The following MPRIP variants were observed in gnomAD, a reference collection of about 807,000 sequenced individuals.
The protein encoded by MPRIP is myosin phosphatase Rho-interacting protein.
A neutral mutation model predicts 234.9 loss-of-function variants in MPRIP; 59 were observed. The ratio of observed to expected loss-of-function variants is 0.25; its 90% CI spans 0.20 to 0.31. The LOEUF (loss-of-function observed/expected upper bound fraction) is 0.31. Among genes scored for constraint, MPRIP ranks in the 10% least tolerant of loss-of-function variants. The pLI is 1.00. For synonymous variants in MPRIP, 1,144 were observed against 1,263.9 expected, an observed-to-expected ratio of 0.91 and a Z score of 2.01; for missense variants, 2,436 against 3,071.0, an observed-to-expected ratio of 0.79 and a Z score of 4.89.
chr17:17,075,538 G>T (rs112396450), intron 1 of MPRIP, among the ~76,000 whole-genome samples, 172 bp from the exon 2 acceptor site: 3 of 152,020 alleles, frequency 2.0e-5, no homozygotes, highest in South Asian at 2.1e-4. Flanking sequence ...CAGAATCCCC[G>T]CCAGCCTCTG....
intron 1 of MPRIP, among the ~76,000 whole-genome samples, chr17:17,068,246 G>C (rs1342230868): frequency 6.6e-6 from 1 of 151,816 alleles, no homozygotes; most frequent in South Asian, 2.1e-4. Flanking sequence ...TGCCTCCCAG[G>C]TTCAAGCGAT....
Position 17,164,930 on chromosome 17 carries a change from G to A in MPRIP, c.3339G>A (p.Arg1113=). The A allele has an allele frequency of 7.7e-7, 1 of 1,303,926 alleles. No homozygotes were observed. The highest frequency in any genetic ancestry group is 1.2e-5 in the South Asian group (1 of 81,036). The allele number at this position is 1,303,926 out of a possible 1,614,324, so 80.8% of individuals were successfully genotyped here. The change falls in exon 16 of 24, where the codon CGG becomes CGA. Residue 1113 remains arginine, a synonymous_variant. Transcript: ENST00000651222. ...ACGAGCGGGACCTCCTCAGACAGCG[G>A]TTCCAGGAGCTGACAGAGCGCGTGG... The part of the protein sequence containing the change: ...LCDERDLLRQ[R]FQELTERVAT...
intron 15 of MPRIP, among the ~76,000 whole-genome samples, chr17:17,162,644 C>T (rs2045898322): frequency 6.6e-6 from 1 of 152,204 alleles, no homozygotes; most frequent in African/African-American, 2.4e-5. Flanking sequence ...CTTTTTAATT[C>T]TTGATTGGGC....
At position 17,177,141 on chromosome 17, in the gene MPRIP, G is replaced by A. The variant is rs1024068915; in HGVS notation, c.6958-109G>A. The A allele has an allele frequency of 3.8e-5, 43 of 1,130,954 alleles. No individual in the cohort carries two copies. In the African/African-American group the frequency reaches 4.0e-4, roughly 11 times the overall value. The allele number at this position is 1,130,954 out of a possible 1,614,324, so 70.1% of individuals were successfully genotyped here. ...CAGAGGTGAACAAGCCTCCTCTTCCGCCCACAGCAAGCCTCCCTACCGTGT... is the reference window on the plus strand; with the variant it reads ...CAGAGGTGAACAAGCCTCCTCTTCCACCCACAGCAAGCCTCCCTACCGTGT... On this transcript the variant is annotated intron_variant, in intron 21 of 23. Transcript: ENST00000651222.
chr17:17,188,432 G>C lies in MPRIP; in HGVS notation c.*3538G>C, dbSNP rs12602592. 0.15 allele frequency: 23,270 copies of C among 152,308 alleles called. 2,595 individuals are homozygous for C. Among genetic ancestry groups the C allele is most frequent in the East Asian group, 0.3 (1,581 of 5,184 alleles). 9.4% of individuals were successfully genotyped at this position (152,308 alleles called of 1,614,324 possible). On this transcript the variant is annotated 3_prime_UTR_variant, in exon 24 of 24. Coordinates refer to ENST00000651222, the MANE Select transcript of MPRIP (RefSeq NM_001364716.4). Reference sequence around the variant, plus strand: ...CAAGGCCCCACAGCCTGCTTAGTGAGTTGGAAGGCCCAGCAAGAACCTGTT... The same window carrying C: ...CAAGGCCCCACAGCCTGCTTAGTGACTTGGAAGGCCCAGCAAGAACCTGTT...
intron 16 of MPRIP, chr17:17,168,128 G>A (rs2046045766): frequency 2.8e-6 from 1 of 359,424 alleles, no homozygotes; most frequent in South Asian, 2.2e-5. Context: ...AGGAGAACTA[G>A]CAGGAGGGCC....
chr17:17,158,406 G>T (rs2045779835), intron 13 of MPRIP, 26 bp from the exon 14 acceptor site: 1 of 1,529,020 alleles, frequency 6.5e-7, no homozygotes, highest in Non-Finnish European at 8.8e-7. Flanking sequence ...CCCCTGACAG[G>T]CTATGTCCAT....
At chr17:17,062,937 C>A (rs942243218) in intron 1 of MPRIP, among the ~76,000 whole-genome samples, 2 of 152,246 alleles carry the variant, frequency 1.3e-5, no homozygotes, top group African/African-American at 4.8e-5. Flanking sequence ...TTTGTCCACA[C>A]CCTGTCTCTT....
At chr17:17,109,966 G>T (rs2090138054) in intron 3 of MPRIP, among the ~76,000 whole-genome samples, 1 of 152,110 alleles carries the variant, frequency 6.6e-6, no homozygotes, top group South Asian at 2.1e-4. Flanking sequence ...GTGGATGTTT[G>T]TCCCCTCCAA....
In MPRIP at chr17:17,054,880, T is replaced by C. The variant is rs548117859; in HGVS notation, c.123+11909T>C. Among the ~76,000 whole-genome samples the C allele has an allele frequency of 2.6e-5, 4 of 151,660 alleles. No individual in the cohort carries two copies. In the South Asian group the frequency reaches 8.3e-4, roughly 32 times the overall value. On this transcript the variant is annotated intron_variant, in intron 1 of 23. Transcript: ENST00000651222. ...GCCTGGGCAAGACAGGGAAACCCTG[T>C]CTCTACAAAAAAGTAAAAAACATAG...
At position 17,150,132 on chromosome 17, in the gene MPRIP, TTCC is replaced by T; in HGVS notation, c.1630-11_1630-9del. Reference sequence around the variant, plus strand: ...CCTAAAAATCTCAAGACATTCTCACTTCCCTCGGCAGGCAGCCGACTTGGATGG... The same window carrying T: ...CCTAAAAATCTCAAGACATTCTCACTCTCGGCAGGCAGCCGACTTGGATGG... On this transcript the variant is annotated splice_polypyrimidine_tract_variant and intron_variant, in intron 11 of 23. Transcript: ENST00000651222. 6.2e-7 allele frequency: 1 copy of T among 1,608,378 alleles called. No homozygotes were observed.
chr17:17,094,677 G>C (rs1490353615), intron 3 of MPRIP, among the ~76,000 whole-genome samples: 1 of 146,102 alleles, frequency 6.8e-6, no homozygotes, highest in Non-Finnish European at 1.5e-5. Context: ...GTAGCACAAT[G>C]TTGGCTCACT....
At chr17:17,084,455 T>G (rs1157369760) in intron 3 of MPRIP, among the ~76,000 whole-genome samples, 2 of 152,206 alleles carry the variant, frequency 1.3e-5, no homozygotes, top group African/African-American at 4.8e-5. Context: ...CTATCCTACT[T>G]CTCACAATGG....
chr17:17,130,805 A>G (rs1184878434), intron 4 of MPRIP, among the ~76,000 whole-genome samples: 1 of 152,130 alleles, frequency 6.6e-6, no homozygotes, highest in Non-Finnish European at 1.5e-5. Flanking sequence ...CAGGACTGAC[A>G]GGCAGCTCTG....
At chr17:17,058,494 C>T (rs1159571167) in intron 1 of MPRIP, among the ~76,000 whole-genome samples, 2 of 146,102 alleles carry the variant, frequency 1.4e-5, no homozygotes, top group African/African-American at 5.1e-5. Flanking sequence ...AGTGGGGACC[C>T]GGGGAGGAGA....
chr17:17,180,222 C>T, intron 23 of MPRIP, 134 bp downstream of exon 23: 2 of 749,192 alleles, frequency 2.7e-6, no homozygotes, highest in Non-Finnish European at 4.3e-6. Context: ...CCAGCCCGAG[C>T]TCACCCTGCT....
intron 1 of MPRIP, among the ~76,000 whole-genome samples, chr17:17,071,320 GT>G (rs149792477): frequency 6.6e-6 from 1 of 151,812 alleles, no homozygotes; most frequent in Non-Finnish European, 1.5e-5. Flanking sequence ...TTTTGTTGTT[GT>G]TTTTTTTGGT....
chr17:17,176,351 G>A (rs548632070), intron 20 of MPRIP, 75 bp from the exon 21 acceptor site: 12 of 1,149,956 alleles, frequency 1.0e-5, no homozygotes, highest in African/African-American at 6.1e-5. Context: ...CCCTCTGCAC[G>A]CTTCAGCCTG....
intron 3 of MPRIP, among the ~76,000 whole-genome samples, chr17:17,098,386 C>G (rs996796671): frequency 2.0e-5 from 3 of 152,168 alleles, no homozygotes; most frequent in Non-Finnish European, 4.4e-5. Context: ...ATCTGCAAGC[C>G]TCTTCCCACC....
Sources: allele counts gnomAD v4.1 joint callset (sites outside exome capture counted in the v4.1 genomes callset), GRCh38; gene constraint gnomAD v4.1.1; transcripts MANE v1.5; gene names NCBI Gene and HGNC (gene_info 2026-07-23, HGNC 2026-07-21).